GRID2: variants seen among roughly 807,000 people sequenced by gnomAD.
GRID2 encodes glutamate ionotropic receptor delta type subunit 2, also known as glutamate receptor ionotropic, delta-2.
Under a neutral mutation model 114.8 loss-of-function variants are expected in GRID2, and 33 were observed. The observed-to-expected ratio is 0.29, with a 90% CI of 0.22 to 0.38. GRID2 has a LOEUF of 0.38. Among genes scored for constraint, GRID2 ranks in the 10% least tolerant of loss-of-function variants. The pLI, the probability that GRID2 is intolerant of heterozygous loss-of-function variation, is 1.00. For missense variants in GRID2, 1,184 were observed against 1,257.7 expected (o/e 0.94, Z 0.89); for synonymous variants, 505 against 449.9 (o/e 1.12, Z -1.55).
chr4:93,498,581 T>C (rs1727788735), intron 12 of GRID2, among the ~76,000 whole-genome samples: 1 of 151,908 alleles, frequency 6.6e-6, no homozygotes, highest in East Asian at 1.9e-4. Context: ...TAAGCTCATA[T>C]CTTACTTCTA....
intron 1 of GRID2, among the ~76,000 whole-genome samples, chr4:92,396,975 A>T (rs1024907281): frequency 7.2e-5 from 11 of 152,102 alleles, no homozygotes; most frequent in Admixed American, 5.9e-4. Context: ...GAAATATAAA[A>T]ATCAATTATT....
At chr4:93,469,645 A>G (rs957722625) in intron 11 of GRID2, among the ~76,000 whole-genome samples, 1 of 152,080 alleles carries the variant, frequency 6.6e-6, no homozygotes, top group South Asian at 2.1e-4. Context: ...ATTTGCAGTC[A>G]TTTGGCCACA....
chr4:93,137,651 C>T (rs1341421398), intron 4 of GRID2, among the ~76,000 whole-genome samples: 1 of 152,132 alleles, frequency 6.6e-6, no homozygotes, highest in African/African-American at 2.4e-5. Flanking sequence ...CTATCTTGTA[C>T]TGCTTTAATA....
intron 13 of GRID2, among the ~76,000 whole-genome samples, chr4:93,529,210 T>C (rs1260182955): frequency 6.6e-6 from 1 of 152,170 alleles, no homozygotes; most frequent in South Asian, 2.1e-4. Context: ...AACCCAGATA[T>C]CAAGATTCAC....
intron 13 of GRID2, among the ~76,000 whole-genome samples, chr4:93,534,927 T>C (rs1444070400): frequency 6.6e-6 from 1 of 151,410 alleles, no homozygotes; most frequent in African/African-American, 2.4e-5. Context: ...TTATTAATCA[T>C]AGTCACCATG....
chr4:92,778,933 A>T (rs948778993), intron 2 of GRID2, among the ~76,000 whole-genome samples: 11 of 152,076 alleles, frequency 7.2e-5, no homozygotes, highest in Non-Finnish European at 1.5e-4. Flanking sequence ...GTGAATTGAC[A>T]GGTTACCAAG....
chr4:92,579,166 AT>A (rs200166188), intron 1 of GRID2, among the ~76,000 whole-genome samples: 3 of 151,820 alleles, frequency 2.0e-5, no homozygotes, highest in East Asian at 1.9e-4. Context: ...CTTTTATTTT[AT>A]TTTTTTTAAC....
At chr4:92,559,235 G>A (rs1330959255) in intron 1 of GRID2, among the ~76,000 whole-genome samples, 1 of 152,048 alleles carries the variant, frequency 6.6e-6, no homozygotes, top group Non-Finnish European at 1.5e-5. Context: ...TTGTATAGTT[G>A]CCATGCAAAC....
intron 1 of GRID2, among the ~76,000 whole-genome samples, chr4:92,383,876 T>C (rs1225464022): frequency 1.6e-5 from 2 of 129,032 alleles, no homozygotes; most frequent in South Asian, 2.5e-4. Flanking sequence ...ACATTGTTCC[T>C]TGTTGCTGTT....
chr4:93,051,565 A>G (rs1228506028), intron 2 of GRID2, among the ~76,000 whole-genome samples: 1 of 152,030 alleles, frequency 6.6e-6, no homozygotes, highest in Non-Finnish European at 1.5e-5. Context: ...ATAAGCATTG[A>G]AAAGTTCGGT....
chr4:92,372,811 T>A (rs937334398), intron 1 of GRID2, among the ~76,000 whole-genome samples: 4 of 152,156 alleles, frequency 2.6e-5, no homozygotes, highest in African/African-American at 9.7e-5. Context: ...CAGAGGAATT[T>A]ATGATTTAGA....
At chr4:93,625,191 C>G (rs570879209) in intron 13 of GRID2, among the ~76,000 whole-genome samples, 4 of 152,176 alleles carry the variant, frequency 2.6e-5, no homozygotes, top group African/African-American at 9.6e-5. Flanking sequence ...CAGAAGCCCA[C>G]CTGGCTTAGA....
chr4:93,386,462 G>C (rs1440958183), intron 8 of GRID2, among the ~76,000 whole-genome samples: 1 of 152,128 alleles, frequency 6.6e-6, no homozygotes, highest in Non-Finnish European at 1.5e-5. Flanking sequence ...GTTAAGAATT[G>C]AGCTGAGCTG....
chr4:93,044,242 T>G (rs1725907451), intron 2 of GRID2, among the ~76,000 whole-genome samples: 1 of 152,168 alleles, frequency 6.6e-6, no homozygotes. Context: ...CATTAGGCAT[T>G]GCACAATCTT....
intron 1 of GRID2, among the ~76,000 whole-genome samples, chr4:92,340,667 CA>C (rs1261072719): frequency 6.6e-6 from 1 of 152,194 alleles, no homozygotes; most frequent in Non-Finnish European, 1.5e-5. Flanking sequence ...GAAGGATGAT[CA>C]CCCCTGTCTA....
chr4:92,814,913 C>T (rs1031699486), intron 2 of GRID2, among the ~76,000 whole-genome samples: 52 of 151,962 alleles, frequency 3.4e-4, no homozygotes, highest in Non-Finnish European at 1.0e-4. Flanking sequence ...CCTCTAGTGT[C>T]CCCCCAATGT....
intron 2 of GRID2, among the ~76,000 whole-genome samples, chr4:92,996,348 CTAAAAGGTTTT>C (rs1755197904): frequency 6.6e-6 from 1 of 151,740 alleles, no homozygotes; most frequent in Admixed American, 6.6e-5. Context: ...ATGTTTGCTA[CTAAAAGGTTTT>C]TAATTATTTA....
At chr4:92,545,342 T>C (rs1260346559) in intron 1 of GRID2, among the ~76,000 whole-genome samples, 8 of 152,176 alleles carry the variant, frequency 5.3e-5, no homozygotes, top group Admixed American at 5.2e-4. Context: ...ATGAATATCA[T>C]AGCAATGCTG....
At chr4:93,783,324 G>T (rs1029578496) in intron 1 of GRID2, among the ~76,000 whole-genome samples, 1 of 152,188 alleles carries the variant, frequency 6.6e-6, no homozygotes, top group Non-Finnish European at 1.5e-5. Context: ...ATTTGGTTGA[G>T]TTCACACAAT....
Sources: gnomAD v4.1 joint callset for allele counts (sites outside exome capture counted in the v4.1 genomes callset) on GRCh38, gnomAD v4.1.1 for gene constraint, MANE v1.5 for transcripts, NCBI Gene and HGNC (gene_info 2026-07-23, HGNC 2026-07-21) for gene names.